The following WDFY4 variants were observed in gnomAD, a reference collection of about 807,000 sequenced individuals.
The protein encoded by WDFY4 is WD repeat- and FYVE domain-containing protein 4.
In WDFY4, 169 loss-of-function variants were observed where a neutral mutation model predicts 351.9. That is an observed-to-expected ratio of 0.48 (90% CI 0.42 to 0.55). The LOEUF is 0.55. Ranked by LOEUF, WDFY4 falls within the 20% of genes least tolerant of loss-of-function variation. WDFY4 has a pLI of 0.00. For missense variants in WDFY4, 3,803 were observed against 3,935.6 expected, an observed-to-expected ratio of 0.97 and a Z score of 0.90; for synonymous variants, 1,622 against 1,574.6, an observed-to-expected ratio of 1.03 and a Z score of -0.71.
At position 48,970,255 on chromosome 10, in the gene WDFY4, C is replaced by G; in HGVS notation, c.8894C>G (p.Thr2965Ser). ...GTGTGTGTGTGGGAGCTCAGCATGA[C>G]CAAAGGCCGCCCGAGGGGCTTGCGC... ...TVVCVWELSMTKGRPRGLRLR... is the reference protein window; with the variant it reads ...TVVCVWELSMSKGRPRGLRLR... The change falls in exon 57 of 62, where the codon ACC becomes AGC. Residue 2965 changes from threonine (T) to serine (S), a missense_variant. Thr to Ser is a moderately conservative substitution (Grantham distance 58, BLOSUM62 1). Coordinates refer to ENST00000325239, the MANE Select transcript of WDFY4 (RefSeq NM_001394531.1). 1.3e-6 allele frequency: 2 copies of G among 1,551,518 alleles called. No homozygotes were observed. The highest frequency in any genetic ancestry group is 4.9e-5 in the East Asian group (2 of 40,922).
intron 53 of WDFY4, among the ~76,000 whole-genome samples, chr10:48,960,452 A>C (rs1220992262): frequency 1.3e-5 from 2 of 152,250 alleles, no homozygotes; most frequent in Non-Finnish European, 2.9e-5. Context: ...ACTGGAATGC[A>C]TGAGACATCA....
chr10:48,703,262 C>T (rs932465522), intron 1 of WDFY4, among the ~76,000 whole-genome samples: 1 of 152,196 alleles, frequency 6.6e-6, no homozygotes, highest in African/African-American at 2.4e-5. Context: ...GATCGGCTGA[C>T]AAGCAGTGAG....
At chr10:48,720,172 GC>G (rs1186931726) in intron 3 of WDFY4, 47 bp downstream of exon 3, 3 of 1,521,904 alleles carry the variant, frequency 2.0e-6, no homozygotes, top group Non-Finnish European at 2.7e-6. Context: ...GAGCAGTGCA[GC>G]CCTGCATGCC....
At chr10:48,982,462 G>C (rs1278136703) in intron 61 of WDFY4, 47 bp from the exon 62 acceptor site, 3 of 1,425,234 alleles carry the variant, frequency 2.1e-6, no homozygotes, top group Non-Finnish European at 2.8e-6. Context: ...GCGGGGACAA[G>C]TGGTACTGTC....
intron 39 of WDFY4, among the ~76,000 whole-genome samples, chr10:48,847,178 G>C (rs2068803418): frequency 6.6e-6 from 1 of 152,130 alleles, no homozygotes; most frequent in African/African-American, 2.4e-5. Context: ...TTCTGGCTCA[G>C]AGATGCTGCC....
rs1481891062 is a variant in WDFY4, at chr10:48,828,837, T to C, written c.6281T>C (p.Phe2094Ser). ...AGAATGTCTACTTATCATCAAGTCT[T>C]CCTTTCCCCAAATGAAGACGTGAAA... ...KPRMSTYHQV[F>S]LSPNEDVKEK... The change falls in exon 37 of 62, where the codon TTC becomes TCC. Residue 2094 changes from phenylalanine to serine, a missense_variant. By Grantham distance (155) the Phe-to-Ser change is radical. Transcript: ENST00000325239. 1.9e-6 allele frequency: 3 copies of C among 1,543,158 alleles called. No individual in the cohort carries two copies. The highest frequency in any genetic ancestry group is 2.6e-6 in the Non-Finnish European group (3 of 1,143,028).
chr10:48,965,975 C>T (rs539475615), intron 54 of WDFY4, among the ~76,000 whole-genome samples: 21 of 152,212 alleles, frequency 1.4e-4, no homozygotes, highest in African/African-American at 4.6e-4. Flanking sequence ...GAAAATTTGG[C>T]ATTAGGCACA....
intron 49 of WDFY4, among the ~76,000 whole-genome samples, chr10:48,944,215 C>A (rs566130491): frequency 6.6e-6 from 1 of 152,208 alleles, no homozygotes; most frequent in Non-Finnish European, 1.5e-5. Flanking sequence ...ACAAGCTACT[C>A]TTGCTGTAAC....
rs2066120518 is a variant in WDFY4 at position 48,778,749 on chromosome 10, C to A, written c.3314C>A (p.Pro1105His). Residue 1105 changes from proline (P) to histidine (H), a missense_variant, in exon 18 of 62, where the codon CCC becomes CAC. Pro to His is a moderately conservative substitution (Grantham distance 77). Transcript: ENST00000325239. The part of the protein sequence containing the change: ...LVRHLARTEQ[P>H]FVCFSVSLCP... ...CGCCACCTGGCCAGGACTGAGCAAC[C>A]CTTTGTTTGCTTCTCCGTCAGCCTC... The A allele has an allele frequency of 6.4e-7, 1 of 1,551,678 alleles. No homozygotes were observed. The highest frequency in any genetic ancestry group is 1.2e-5 in the South Asian group (1 of 84,062).
intron 35 of WDFY4, chr10:48,823,313 G>C (rs780477641): frequency 1.4e-5 from 18 of 1,284,302 alleles, no homozygotes; most frequent in Non-Finnish European, 1.8e-5. Context: ...GTGATTCTTG[G>C]AAAGAACTTT....
intron 12 of WDFY4, among the ~76,000 whole-genome samples, chr10:48,751,364 C>T (rs577872302): frequency 1.3e-5 from 2 of 152,284 alleles, no homozygotes; most frequent in African/African-American, 4.8e-5. Context: ...AGGCATTGCT[C>T]GGACTTTAAG....
chr10:48,694,933 C>T (rs558371436), intron 1 of WDFY4, among the ~76,000 whole-genome samples: 9 of 152,316 alleles, frequency 5.9e-5, no homozygotes, highest in Admixed American at 3.9e-4. Context: ...TGCCCAATGA[C>T]TGTCCCACTG....
chr10:48,760,516 C>CT (rs2065470546), intron 13 of WDFY4, 76 bp downstream of exon 13: 1 of 1,436,530 alleles, frequency 7.0e-7, no homozygotes, highest in Middle Eastern at 1.9e-4. Flanking sequence ...CCCAAGACAG[C>CT]TTTTTTCCTT....
chr10:48,725,443 C>A (rs10776641), intron 5 of WDFY4, among the ~76,000 whole-genome samples: 67,015 of 151,976 alleles, frequency 0.44, 18,091 homozygotes, highest in East Asian at 0.71. Context: ...AACAAGGAAC[C>A]CAGTTAGGAG....
chr10:48,698,243 C>G (rs1004333548), intron 1 of WDFY4, among the ~76,000 whole-genome samples: 3 of 152,224 alleles, frequency 2.0e-5, no homozygotes, highest in African/African-American at 7.2e-5. Context: ...CCAATTTTGC[C>G]TGCCCACGAT....
chr10:48,851,628 T>G (rs2068961178), intron 39 of WDFY4, among the ~76,000 whole-genome samples: 1 of 152,246 alleles, frequency 6.6e-6, no homozygotes, highest in African/African-American at 2.4e-5. Context: ...GCCTTTCTCA[T>G]TTTTGTGAGG....
Position 48,873,593 on chromosome 10 carries a change from C to T in WDFY4, c.6844C>T (p.Pro2282Ser). 2 of 1,551,790 alleles carry T rather than the reference C, an allele frequency of 1.3e-6. No individual in the cohort carries two copies. The highest frequency in any genetic ancestry group is 1.7e-6 in the Non-Finnish European group (2 of 1,147,024). Residue 2282 changes from proline to serine, a missense_variant, in exon 41 of 62, where the codon CCC (proline) becomes TCC (serine). Pro to Ser is a moderately conservative substitution (Grantham distance 74). This residue lies in a region of WDFY4 where 3,054 missense variants were observed against 3,148.6 expected (regional missense o/e 0.97). Coordinates refer to ENST00000325239, the MANE Select transcript of WDFY4 (RefSeq NM_001394531.1). ...GTGGAGCCAGGGGGAAGAAACCAAG[C>T]CCTGTTCCCCATGGGAACTCGACTG... ...GLWSQGEETKPCSPWELDWRE... is the reference protein window; with the variant it reads ...GLWSQGEETKSCSPWELDWRE...
In WDFY4 at chr10:48,943,381, G is replaced by A; in HGVS notation, c.7681G>A (p.Gly2561Arg). Residue 2561 changes from glycine to arginine, a missense_variant, in exon 49 of 62, where the codon GGG becomes AGG. By Grantham distance (125) the Gly-to-Arg change is moderately radical (BLOSUM62 -2). Transcript: ENST00000325239. ...EYLMYLNTAA[G>R]RTCNDYMQYP... The stretch of plus-strand genomic sequence containing the variant: ...TCTCATGTACCTCAACACCGCGGCT[G>A]GGAGAACCTGCAATGACTACATGCA... 1 of 1,551,824 alleles carries A rather than the reference G, an allele frequency of 6.4e-7. No individual in the cohort carries two copies.
At chr10:48,738,879 C>A (rs997228117) in intron 11 of WDFY4, among the ~76,000 whole-genome samples, 2 of 152,194 alleles carry the variant, frequency 1.3e-5, no homozygotes, top group Non-Finnish European at 1.5e-5. Context: ...CACTCTGCAT[C>A]CCTTCCCTGT....
Sources: gnomAD v4.1 joint callset for allele counts (sites outside exome capture counted in the v4.1 genomes callset) on GRCh38, gnomAD v4.1.1 for gene constraint, gnomAD v4.1.1 regional missense constraint, MANE v1.5 for transcripts, NCBI Gene and HGNC (gene_info 2026-07-23, HGNC 2026-07-21) for gene names.